Variants in RANBP2 observed in about 807,000 individuals in gnomAD.
RANBP2 encodes E3 SUMO-protein ligase RanBP2.
RANBP2 carries 57 observed loss-of-function variants against 303.6 expected under a neutral mutation model. The observed-to-expected ratio is 0.19, with a 90% CI of 0.15 to 0.23. The LOEUF is 0.23. Among genes scored for constraint, RANBP2 ranks in the 10% least tolerant of loss-of-function variants. The probability of loss-of-function intolerance (pLI) is 1.00; values close to 1 mark genes in which losing one functional copy is unlikely to be tolerated. For missense variants in RANBP2, 3,138 were observed against 3,780.8 expected, an observed-to-expected ratio of 0.83 and a Z score of 4.46; for synonymous variants, 1,167 against 1,301.5, an observed-to-expected ratio of 0.90 and a Z score of 2.23.
chr2:109,232,660 GT>G, the RANBP2 span, among the ~76,000 whole-genome samples: 1 of 152,162 alleles, frequency 6.6e-6, no homozygotes, highest in Non-Finnish European at 1.5e-5. Context: ...GATTAACAAT[GT>G]TTTAGAGAAA....
chr2:109,412,619 C>T, the RANBP2 span, among the ~76,000 whole-genome samples: 2 of 152,196 alleles, frequency 1.3e-5, no homozygotes, highest in African/African-American at 2.4e-5. Context: ...CTCCCAGGAT[C>T]CCCTGACAAA....
chr2:109,164,841 C>G, the RANBP2 span, among the ~76,000 whole-genome samples: 6 of 152,204 alleles, frequency 3.9e-5, no homozygotes, highest in African/African-American at 4.8e-5. Flanking sequence ...CTTCCCCTTT[C>G]TTCCTGTTTC....
chr2:108,973,251 G>A, the RANBP2 span, among the ~76,000 whole-genome samples: 9 of 152,354 alleles, frequency 5.9e-5, no homozygotes, highest in East Asian at 1.7e-3. Context: ...GCCTCCCAAA[G>A]TTCTGGGATT....
chr2:108,789,228 T>C (rs1450868716), downstream of RANBP2, among the ~76,000 whole-genome samples: 2 of 152,338 alleles, frequency 1.3e-5, no homozygotes, highest in Middle Eastern at 3.4e-3. Flanking sequence ...TGAAAAAATA[T>C]ATTTTTATGG....
chr2:109,562,262 T>C, the RANBP2 span, among the ~76,000 whole-genome samples: 1 of 151,764 alleles, frequency 6.6e-6, no homozygotes, highest in Admixed American at 6.6e-5. Context: ...ATACATGTCT[T>C]AAGCATGCTT....
At chr2:109,544,337 AG>A in the RANBP2 span, 2 of 1,586,888 alleles carry the variant, frequency 1.3e-6, no homozygotes, top group South Asian at 2.3e-5. Flanking sequence ...GGAAAGAAAA[AG>A]AACCTTTTGA....
the RANBP2 span, among the ~76,000 whole-genome samples, chr2:109,447,165 A>G: frequency 7.7e-4 from 114 of 148,744 alleles, no homozygotes; most frequent in East Asian, 2.5e-3. Context: ...AAAAAAAAAA[A>G]AAAGAAAAGA....
chr2:109,278,952 CAAGAG>C, the RANBP2 span, among the ~76,000 whole-genome samples: 1 of 152,196 alleles, frequency 6.6e-6, no homozygotes, highest in African/African-American at 2.4e-5. Flanking sequence ...TTTGAGCAGT[CAAGAG>C]AAGACACAGA....
chr2:109,584,565 A>G, the RANBP2 span, among the ~76,000 whole-genome samples: 4 of 151,934 alleles, frequency 2.6e-5, no homozygotes, highest in Admixed American at 6.6e-5. Context: ...TCCCCCTTTC[A>G]TAGTTTAAAT....
At chr2:108,894,511 T>TTA in the RANBP2 span, 2 of 152,182 alleles carry the variant, frequency 1.3e-5, no homozygotes, top group Non-Finnish European at 2.9e-5. Flanking sequence ...ATATAATAAG[T>TTA]TATATATATA....
chr2:109,761,414 G>A, the RANBP2 span, among the ~76,000 whole-genome samples: 2 of 150,190 alleles, frequency 1.3e-5, no homozygotes, highest in African/African-American at 2.4e-5. Flanking sequence ...TTCACACCTC[G>A]TCACAGTTGC....
chr2:109,042,471 C>T, the RANBP2 span, among the ~76,000 whole-genome samples: 1 of 152,118 alleles, frequency 6.6e-6, no homozygotes, highest in Non-Finnish European at 1.5e-5. Flanking sequence ...CAGGTCCAAT[C>T]CTTGTAAGGT....
the RANBP2 span, among the ~76,000 whole-genome samples, chr2:109,146,932 C>T: frequency 7.7e-6 from 1 of 129,212 alleles, no homozygotes; most frequent in Admixed American, 9.0e-5. Flanking sequence ...CCTCAGAGTC[C>T]TGTTAGAAAA....
chr2:109,289,698 G>T, the RANBP2 span, among the ~76,000 whole-genome samples: 1 of 152,140 alleles, frequency 6.6e-6, no homozygotes, highest in East Asian at 1.9e-4. Flanking sequence ...TAGCATAGAA[G>T]ATGAAACATG....
chr2:108,918,031 C>T, the RANBP2 span, among the ~76,000 whole-genome samples: 1 of 152,072 alleles, frequency 6.6e-6, no homozygotes, highest in African/African-American at 2.4e-5. Context: ...ATTATTAGCG[C>T]ACCAGCATCA....
chr2:109,449,751 C>A, the RANBP2 span, among the ~76,000 whole-genome samples: 12 of 152,304 alleles, frequency 7.9e-5, no homozygotes, highest in African/African-American at 2.6e-4. Context: ...AAAAGGTGTC[C>A]CCTCTTGAAA....
chr2:109,420,665 T>C, the RANBP2 span, among the ~76,000 whole-genome samples: 7,195 of 152,268 alleles, frequency 0.047, 228 homozygotes, highest in Non-Finnish European at 0.073. Context: ...CAGGATGGTC[T>C]CGATCTCCTG....
At chr2:109,063,409 C>T in the RANBP2 span, among the ~76,000 whole-genome samples, 1 of 152,174 alleles carries the variant, frequency 6.6e-6, no homozygotes, top group Non-Finnish European at 1.5e-5. Context: ...ACATCAGCAG[C>T]GCCTGGCTTT....
the RANBP2 span, among the ~76,000 whole-genome samples, chr2:109,105,615 C>T: frequency 4.6e-5 from 7 of 152,292 alleles, no homozygotes; most frequent in South Asian, 2.1e-4. Context: ...AGTACAGTGG[C>T]GCAATCTCAG....
Sources: allele counts gnomAD v4.1 joint callset (sites outside exome capture counted in the v4.1 genomes callset), GRCh38; gene constraint gnomAD v4.1.1; transcripts MANE v1.5; gene names NCBI Gene and HGNC (gene_info 2026-07-23, HGNC 2026-07-21).